Variants in YLPM1 observed in about 807,000 individuals in gnomAD.
YLPM1 encodes the protein YLP motif containing 1.
In YLPM1, 99 loss-of-function variants were observed where a neutral mutation model predicts 230.0. The ratio of observed to expected loss-of-function variants is 0.43; its 90% CI spans 0.37 to 0.51. The LOEUF (loss-of-function observed/expected upper bound fraction) is 0.51. YLPM1 is among the 20% of genes least tolerant of loss of function. YLPM1 has a pLI of 0.00. For synonymous variants in YLPM1, 984 were observed against 942.5 expected (o/e 1.04, Z -0.81); for missense variants, 2,592 against 2,707.7 (o/e 0.96, Z 0.95).
chr14:74,767,081 A>G (rs545575207), intron 1 of YLPM1, among the ~76,000 whole-genome samples: 29 of 151,310 alleles, frequency 1.9e-4, no homozygotes, highest in African/African-American at 6.3e-4. Flanking sequence ...ACGGGGTTTC[A>G]CCATGTTGGT....
chr14:74,792,648 T>C (rs1205326555), intron 4 of YLPM1, among the ~76,000 whole-genome samples: 1 of 152,242 alleles, frequency 6.6e-6, no homozygotes, highest in Non-Finnish European at 1.5e-5. Flanking sequence ...ACTAAATAAT[T>C]ATGTTGCCCT....
Position 74,835,395 on chromosome 14 carries a change from G to A in YLPM1, c.6425G>A (p.Arg2142Gln), listed in dbSNP as rs758625730. 1.2e-6 allele frequency: 2 copies of A among 1,613,512 alleles called. No individual in the cohort carries two copies. The highest frequency in any genetic ancestry group is 1.7e-6 in the Non-Finnish European group (2 of 1,179,592). ...CACCTGGCTGAAAAAGCCCTCAATC[G>A]AACCAAATATATATGAGACTTAGTT... is the stretch of plus-strand genomic sequence containing the variant. ...SGHLAEKALN[R>Q]TKYI The change falls in exon 20 of 21, where the codon CGA becomes CAA. Residue 2142 changes from arginine (R) to glutamine (Q), a missense_variant. Arg to Gln is a conservative substitution (Grantham distance 43). Transcript: ENST00000325680.
At chr14:74,807,110 T>C (rs2091387139) in intron 6 of YLPM1, among the ~76,000 whole-genome samples, 1 of 152,192 alleles carries the variant, frequency 6.6e-6, no homozygotes, top group Admixed American at 6.5e-5. Flanking sequence ...TAGCCAGTAG[T>C]TACCTCCAGT....
intron 19 of YLPM1, chr14:74,834,956 T>A (rs2091633123): frequency 4.1e-6 from 1 of 243,696 alleles, no homozygotes; most frequent in Non-Finnish European, 8.0e-6. Context: ...ATTAGTGCTT[T>A]GCTTTCAGGT....
intron 2 of YLPM1, 90 bp downstream of exon 2, chr14:74,778,773 TTTTTG>T: frequency 1.6e-6 from 2 of 1,258,022 alleles, no homozygotes; most frequent in South Asian, 3.2e-5. Context: ...TGGATATATA[TTTTTG>T]TTTTTTTAGG....
intron 11 of YLPM1, among the ~76,000 whole-genome samples, chr14:74,814,701 G>GT (rs1249439046): frequency 6.6e-6 from 1 of 152,134 alleles, no homozygotes; most frequent in East Asian, 1.9e-4. Flanking sequence ...AGATATTGTA[G>GT]TTTTCTTGTC....
Position 74,829,273 on chromosome 14 carries a change from G to C in YLPM1, c.6224G>C (p.Ser2075Thr). ...KRKRDWEAIA[S>T]RMEDYLQLPD... ...AAACGTGACTGGGAGGCCATTGCCA[G>C]CAGAATGGAGGATTATCTTCAGCTC... The change falls in exon 19 of 21, where the codon AGC becomes ACC. Residue 2075 changes from serine to threonine, a missense_variant. By Grantham distance (58) the Ser-to-Thr change is moderately conservative (BLOSUM62 1). Coordinates refer to ENST00000325680, the MANE Select transcript of YLPM1 (RefSeq NM_019589.3). 6.2e-7 allele frequency: 1 copy of C among 1,613,316 alleles called. No homozygotes were observed. Among genetic ancestry groups the C allele is most frequent in the South Asian group, 1.1e-5 (1 of 91,082 alleles).
chr14:74,798,265 C>T lies in YLPM1; in HGVS notation c.2968C>T (p.Pro990Ser). The change falls in exon 5 of 21, where the codon CCC becomes TCC. Residue 990 changes from proline (P) to serine (S), a missense_variant. Pro to Ser is a moderately conservative substitution (Grantham distance 74). Coordinates refer to ENST00000325680, the MANE Select transcript of YLPM1 (RefSeq NM_019589.3). ...TTTTAAACCTGTGGGTATTGGTCTA[C>T]CCCATTCAGAAAACAACCAAGATAA... ...NDFKPVGIGLPHSENNQDKGL... is the reference protein window; with the variant it reads ...NDFKPVGIGLSHSENNQDKGL... 5 of 1,613,900 alleles carry T rather than the reference C, an allele frequency of 3.1e-6. No individual in the cohort carries two copies. The highest frequency in any genetic ancestry group is 3.4e-6 in the Non-Finnish European group (4 of 1,179,874).
At chr14:74,825,391 C>G (rs1314526240) in intron 18 of YLPM1, among the ~76,000 whole-genome samples, 1 of 151,990 alleles carries the variant, frequency 6.6e-6, no homozygotes, top group African/African-American at 2.4e-5. Flanking sequence ...GTTGTCAAGT[C>G]TAAAAGATTT....
intron 15 of YLPM1, 75 bp from the exon 16 acceptor site, chr14:74,818,156 G>A (rs2091494000): frequency 2.6e-6 from 2 of 780,620 alleles, no homozygotes; most frequent in African/African-American, 1.8e-5. Flanking sequence ...ATTGTTAAAT[G>A]TTGTTTATCT....
chr14:74,769,618 T>G (rs1230641345), intron 1 of YLPM1, among the ~76,000 whole-genome samples: 2 of 149,322 alleles, frequency 1.3e-5, no homozygotes, highest in Non-Finnish European at 3.0e-5. Context: ...ACAGAAGAGG[T>G]TTCACCATCT....
intron 6 of YLPM1, among the ~76,000 whole-genome samples, chr14:74,807,206 A>G (rs1265256823): frequency 1.3e-5 from 2 of 152,236 alleles, no homozygotes; most frequent in African/African-American, 4.8e-5. Flanking sequence ...ATGGGCAAAT[A>G]TATAAATAAT....
intron 6 of YLPM1, among the ~76,000 whole-genome samples, chr14:74,806,398 C>G (rs1290126206): frequency 1.3e-5 from 2 of 151,876 alleles, no homozygotes; most frequent in East Asian, 1.9e-4. Context: ...CCAGCTTGGC[C>G]AACATGGTGA....
At chr14:74,810,099 A>G in intron 8 of YLPM1, 97 bp downstream of exon 8, 47 of 1,457,820 alleles carry the variant, frequency 3.2e-5, no homozygotes, top group Non-Finnish European at 4.3e-5. Context: ...TCCATTTAAT[A>G]CAGCTAAAAG....
rs773250816 is a variant in YLPM1, at chr14:74,809,523, ACCT to A, written c.4677_4679del (p.Pro1560del). On this transcript the variant is annotated inframe_deletion, in exon 7 of 21. Coordinates refer to ENST00000325680, the MANE Select transcript of YLPM1 (RefSeq NM_019589.3). ...CACCACCTCCACCTCCTCCACCTCT[ACCT>A]CCTCCTCCTCCAGTGATAAAGCCAC... is the stretch of plus-strand genomic sequence containing the variant. 8 of 1,587,152 alleles carry A rather than the reference ACCT, an allele frequency of 5.0e-6. No individual in the cohort carries two copies. The Admixed American group carries it at 1.1e-4, about 22-fold the overall frequency.
At chr14:74,821,027 CTT>C (rs750279167) in intron 16 of YLPM1, 28 bp from the exon 17 acceptor site, 10,568 of 1,270,902 alleles carry the variant, frequency 8.3e-3, no homozygotes, top group South Asian at 0.027. Flanking sequence ...TTAACTCAGT[CTT>C]TTTTTTTTTT....
At chr14:74,818,372 C>A in intron 16 of YLPM1, 58 bp downstream of exon 16, 1 of 1,418,536 alleles carries the variant, frequency 7.0e-7, no homozygotes, top group Non-Finnish European at 9.5e-7. Context: ...CACCTTTTTA[C>A]TTTGAAAAAC....
intron 4 of YLPM1, among the ~76,000 whole-genome samples, chr14:74,795,476 TA>T (rs2091250889): frequency 6.6e-6 from 1 of 152,258 alleles, no homozygotes; most frequent in Non-Finnish European, 1.5e-5. Flanking sequence ...CACTGTCTAC[TA>T]CTCAGTCACC....
chr14:74,802,217 C>CA lies in YLPM1; in HGVS notation c.4401-320dup, dbSNP rs34503917. 4.8e-3 allele frequency among the ~76,000 whole-genome samples: 459 copies of CA among 94,914 alleles called. 3 individuals carry two copies. The highest frequency in any genetic ancestry group is 0.026 in the Middle Eastern group (5 of 194). 62.3% of individuals were successfully genotyped at this position (94,914 alleles called of 152,430 possible). On this transcript the variant is annotated intron_variant, in intron 5 of 20. Transcript: ENST00000325680. ...CAGGCGACAGAGTGAGACTCTGTCTCAAAAAAAAAAAAAAAAAAATAGCAA... is the reference window on the plus strand; with the variant it reads ...CAGGCGACAGAGTGAGACTCTGTCTCAAAAAAAAAAAAAAAAAAAATAGCAA...
Sources: gnomAD v4.1 joint callset for allele counts (sites outside exome capture counted in the v4.1 genomes callset) on GRCh38, gnomAD v4.1.1 for gene constraint, MANE v1.5 for transcripts, NCBI Gene and HGNC (gene_info 2026-07-23, HGNC 2026-07-21) for gene names.